ERBB4: variants seen among roughly 807,000 people sequenced by gnomAD.
ERBB4 encodes the protein erb-b2 receptor tyrosine kinase 4.
Under a neutral mutation model 158.0 loss-of-function variants are expected in ERBB4, and 42 were observed. That is an observed-to-expected ratio of 0.27 (90% confidence interval 0.21 to 0.34). The LOEUF is 0.34. Ranked by LOEUF, ERBB4 falls within the 10% of genes least tolerant of loss-of-function variation. The probability of loss-of-function intolerance (pLI) is 1.00; values close to 1 mark genes in which losing one functional copy is unlikely to be tolerated. For missense variants in ERBB4, 1,333 were observed against 1,624.1 expected (o/e 0.82, Z 3.08); for synonymous variants, 583 against 558.7 (o/e 1.04, Z -0.61).
At chr2:212,320,099 G>C (rs998335697) in intron 1 of ERBB4, among the ~76,000 whole-genome samples, 2 of 150,028 alleles carry the variant, frequency 1.3e-5, no homozygotes, top group Non-Finnish European at 3.0e-5. Flanking sequence ...GCATTGTACT[G>C]AGGTGAGGGA....
At chr2:212,450,379 T>C (rs2092427580) in intron 1 of ERBB4, among the ~76,000 whole-genome samples, 1 of 152,126 alleles carries the variant, frequency 6.6e-6, no homozygotes, top group Admixed American at 6.5e-5. Context: ...CCCAGTATAA[T>C]CCTTTTCTGG....
chr2:211,435,905 G>A (rs1329190264), intron 20 of ERBB4, among the ~76,000 whole-genome samples: 1 of 152,106 alleles, frequency 6.6e-6, no homozygotes, highest in Non-Finnish European at 1.5e-5. Flanking sequence ...TGGGTCACAG[G>A]GTTAGGTGGA....
At chr2:212,398,997 G>A (rs946071768) in intron 1 of ERBB4, among the ~76,000 whole-genome samples, 1 of 152,018 alleles carries the variant, frequency 6.6e-6, no homozygotes, top group African/African-American at 2.4e-5. Flanking sequence ...AGGTTGGAGT[G>A]CAGTGGCGTG....
chr2:212,386,069 C>A (rs2090663091), intron 1 of ERBB4, among the ~76,000 whole-genome samples: 1 of 151,776 alleles, frequency 6.6e-6, no homozygotes, highest in Non-Finnish European at 1.5e-5. Context: ...CCTAGGTCTT[C>A]CAAACCTGAT....
chr2:211,684,664 A>G (rs955727705), intron 12 of ERBB4, among the ~76,000 whole-genome samples: 2 of 152,176 alleles, frequency 1.3e-5, no homozygotes, highest in Non-Finnish European at 2.9e-5. Context: ...ATGAAACATT[A>G]GGTTTTGCCT....
chr2:211,460,589 G>T (rs2064505369), intron 20 of ERBB4, among the ~76,000 whole-genome samples: 1 of 152,062 alleles, frequency 6.6e-6, no homozygotes, highest in African/African-American at 2.4e-5. Flanking sequence ...ACATCATCCT[G>T]GAAGAAATTG....
chr2:211,833,621 G>T (rs1387041479), intron 3 of ERBB4, among the ~76,000 whole-genome samples: 2 of 152,032 alleles, frequency 1.3e-5, no homozygotes, highest in African/African-American at 2.4e-5. Flanking sequence ...AGGAAGAAAA[G>T]ATATGAATTT....
intron 20 of ERBB4, among the ~76,000 whole-genome samples, chr2:211,513,344 C>T (rs1574644759): frequency 8.7e-6 from 1 of 115,248 alleles, no homozygotes; most frequent in African/African-American, 3.5e-5. Context: ...GGCGACAGAG[C>T]GAGACTCCGT....
At chr2:212,409,045 T>G (rs561484621) in intron 1 of ERBB4, among the ~76,000 whole-genome samples, 1 of 152,296 alleles carries the variant, frequency 6.6e-6, no homozygotes, top group African/African-American at 2.4e-5. Context: ...ACTAAATCAT[T>G]TATTCAAGAA....
chr2:211,507,431 C>T (rs1008312028), intron 20 of ERBB4, among the ~76,000 whole-genome samples: 2 of 152,048 alleles, frequency 1.3e-5, no homozygotes, highest in Non-Finnish European at 2.9e-5. Flanking sequence ...AGGCCAATTG[C>T]TTTGGCTATT....
chr2:211,994,629 T>C (rs920989514), intron 2 of ERBB4, among the ~76,000 whole-genome samples: 2 of 152,202 alleles, frequency 1.3e-5, no homozygotes, highest in Non-Finnish European at 2.9e-5. Flanking sequence ...CAAACAATAG[T>C]TTTATTCCAG....
At chr2:212,105,711 G>A (rs917590584) in intron 2 of ERBB4, among the ~76,000 whole-genome samples, 8 of 152,180 alleles carry the variant, frequency 5.3e-5, no homozygotes, top group African/African-American at 1.7e-4. Context: ...TGACCTAATT[G>A]ATATGGTTTA....
chr2:211,528,662 T>C (rs2125656160), intron 20 of ERBB4, among the ~76,000 whole-genome samples: 1 of 152,130 alleles, frequency 6.6e-6, no homozygotes, highest in Middle Eastern at 3.4e-3. Context: ...AGCATCTTCT[T>C]TGACCATAAT....
intron 12 of ERBB4, among the ~76,000 whole-genome samples, chr2:211,680,610 T>A (rs572636022): frequency 2.0e-5 from 3 of 152,214 alleles, no homozygotes; most frequent in African/African-American, 7.2e-5. Flanking sequence ...CTCTAACATA[T>A]GCTTGACAGA....
At chr2:212,149,776 A>G (rs1016900330) in intron 1 of ERBB4, among the ~76,000 whole-genome samples, 1 of 152,082 alleles carries the variant, frequency 6.6e-6, no homozygotes. Flanking sequence ...CTGATTATGC[A>G]CCTGCCCTTA....
intron 4 of ERBB4, among the ~76,000 whole-genome samples, chr2:211,762,310 C>A (rs2075435399): frequency 6.6e-6 from 1 of 152,130 alleles, no homozygotes; most frequent in Non-Finnish European, 1.5e-5. Flanking sequence ...GCATAGCAGA[C>A]AAAGACAAGC....
intron 1 of ERBB4, among the ~76,000 whole-genome samples, chr2:212,485,265 ATCTT>A (rs1414584191): frequency 2.6e-5 from 4 of 152,146 alleles, no homozygotes; most frequent in Non-Finnish European, 4.4e-5. Flanking sequence ...CTCTCTGACC[ATCTT>A]TATTTCCAGT....
intron 1 of ERBB4, among the ~76,000 whole-genome samples, chr2:212,225,385 C>T (rs2083438491): frequency 6.6e-6 from 1 of 152,014 alleles, no homozygotes; most frequent in African/African-American, 2.4e-5. Context: ...CTACCATTTA[C>T]ATGAGGCTGG....
chr2:211,508,136 G>C (rs565510799), intron 20 of ERBB4, among the ~76,000 whole-genome samples: 2 of 152,182 alleles, frequency 1.3e-5, no homozygotes, highest in East Asian at 3.9e-4. Flanking sequence ...TGACAAATGG[G>C]ATCTAATCAA....
Sources: gnomAD v4.1 joint callset for allele counts (sites outside exome capture counted in the v4.1 genomes callset) on GRCh38, gnomAD v4.1.1 for gene constraint, MANE v1.5 for transcripts, NCBI Gene and HGNC (gene_info 2026-07-23, HGNC 2026-07-21) for gene names.